Variants in TSPAN9 observed in about 807,000 individuals in gnomAD.
TSPAN9 encodes tetraspanin 9, also known as tetraspanin-9.
In TSPAN9, 16 loss-of-function variants were observed where a neutral mutation model predicts 31.0. The observed-to-expected ratio is 0.52, with a 90% CI of 0.35 to 0.78. The LOEUF (loss-of-function observed/expected upper bound fraction) is 0.78, where lower values mean the gene tolerates loss of function less well. TSPAN9 is among the 30% of genes least tolerant of loss of function. The pLI is 0.01. For missense variants in TSPAN9, 272 were observed against 312.5 expected (o/e 0.87, Z 0.98); for synonymous variants, 145 against 121.6 (o/e 1.19, Z -1.27).
At chr12:3,197,760 C>CCAT (rs200709341) in intron 2 of TSPAN9, among the ~76,000 whole-genome samples, 1 of 47,938 alleles carries the variant, frequency 2.1e-5, no homozygotes. Flanking sequence ...GCACAGGTCA[C>CCAT]CAGCACAGGC....
chr12:3,215,723 G>A (rs1043295134), intron 3 of TSPAN9, among the ~76,000 whole-genome samples: 1 of 152,190 alleles, frequency 6.6e-6, no homozygotes, highest in Non-Finnish European at 1.5e-5. Flanking sequence ...GGGGGTGGGA[G>A]GGGCCCCTCA....
rs115849898 is a variant in TSPAN9, at chr12:3,119,232, G to A, written c.-18+35513G>A. The stretch of plus-strand genomic sequence containing the variant: ...AGATACCAGGAGGGAAGTCTCAGTG[G>A]TTTGAATAACCAGCAGTTCCTGCTT... On this transcript the variant is annotated intron_variant, in intron 2 of 8. Coordinates refer to ENST00000011898, the MANE Select transcript of TSPAN9 (RefSeq NM_006675.5). Among the ~76,000 whole-genome samples, 1,326 of 152,320 alleles carry A rather than the reference G, an allele frequency of 8.7e-3. 20 individuals carry two copies. Among genetic ancestry groups the A allele is most frequent in the African/African-American group, 0.029 (1,206 of 41,562 alleles).
chr12:3,175,867 G>C (rs996859107), intron 2 of TSPAN9, among the ~76,000 whole-genome samples: 12 of 152,300 alleles, frequency 7.9e-5, no homozygotes, highest in Non-Finnish European at 1.6e-4. Flanking sequence ...GCTCTGGGGA[G>C]CAGAGTTTTA....
intron 3 of TSPAN9, among the ~76,000 whole-genome samples, chr12:3,203,488 T>C (rs1272771303): frequency 1.3e-5 from 2 of 152,104 alleles, no homozygotes; most frequent in African/African-American, 4.8e-5. Context: ...TTGGCAGAGG[T>C]TAATGAGCTA....
chr12:3,203,683 C>T (rs2098373308), intron 3 of TSPAN9, among the ~76,000 whole-genome samples: 1 of 152,214 alleles, frequency 6.6e-6, no homozygotes, highest in Non-Finnish European at 1.5e-5. Flanking sequence ...AAAATTGAAT[C>T]TCCAAGACCC....
chr12:3,088,974 T>C (rs2098302302), intron 2 of TSPAN9, among the ~76,000 whole-genome samples: 1 of 151,996 alleles, frequency 6.6e-6, no homozygotes, highest in Non-Finnish European at 1.5e-5. Context: ...GGCTCACGCC[T>C]GTAATCCCAG....
intron 2 of TSPAN9, chr12:3,149,788 A>G (rs780463748): frequency 8.5e-5 from 13 of 152,220 alleles, no homozygotes; most frequent in Admixed American, 6.5e-4. Context: ...CCCATCCCAG[A>G]TCTTCTGAGT....
At chr12:3,228,527 C>T (rs2098389067) in intron 3 of TSPAN9, among the ~76,000 whole-genome samples, 1 of 152,190 alleles carries the variant, frequency 6.6e-6, no homozygotes, top group Non-Finnish European at 1.5e-5. Context: ...TTGCTCATGC[C>T]CTCCCCACCC....
chr12:3,176,946 G>C (rs1230871143), intron 2 of TSPAN9, among the ~76,000 whole-genome samples: 1 of 152,230 alleles, frequency 6.6e-6, no homozygotes, highest in African/African-American at 2.4e-5. Flanking sequence ...CCCCGCATTA[G>C]CGGGAAGAGT....
chr12:3,078,554 C>G (rs2153961091), intron 1 of TSPAN9, among the ~76,000 whole-genome samples: 1 of 152,314 alleles, frequency 6.6e-6, no homozygotes, highest in Non-Finnish European at 1.5e-5. Context: ...TGGATAATTT[C>G]AAACAATAGC....
intron 7 of TSPAN9, 30 bp from the exon 8 acceptor site, chr12:3,281,704 G>T: frequency 6.2e-7 from 1 of 1,603,924 alleles, no homozygotes; most frequent in South Asian, 1.1e-5. Context: ...CTTGGGCTGG[G>T]ACCCTAACCT....
chr12:3,196,004 T>A (rs1487406101), intron 2 of TSPAN9, among the ~76,000 whole-genome samples: 1 of 152,164 alleles, frequency 6.6e-6, no homozygotes, highest in Non-Finnish European at 1.5e-5. Flanking sequence ...GGGTAGAAGG[T>A]GGGTCGCTTC....
intron 3 of TSPAN9, among the ~76,000 whole-genome samples, chr12:3,229,924 C>A (rs1049035108): frequency 6.6e-6 from 1 of 152,196 alleles, no homozygotes; most frequent in Non-Finnish European, 1.5e-5. Context: ...CGACCTGGCT[C>A]CCCTGGGCTG....
intron 3 of TSPAN9, among the ~76,000 whole-genome samples, chr12:3,254,261 C>T (rs113253604): frequency 2.0e-5 from 3 of 152,282 alleles, no homozygotes; most frequent in South Asian, 2.1e-4. Flanking sequence ...CTTCAGGACT[C>T]CAGCTTCTTT....
At position 3,105,772 on chromosome 12, in the gene TSPAN9, G is replaced by GCT. The variant is rs1565577326; in HGVS notation, c.-18+22054_-18+22055insTC. On this transcript the variant is annotated intron_variant, in intron 2 of 8. Transcript: ENST00000011898. ...CTCACACACACGCACACACGCGCAC[G>GCT]CACACACGCTCATACACACTCACGC... Among the ~76,000 whole-genome samples, 67 of 72,042 alleles carry GCT rather than the reference G, an allele frequency of 9.3e-4. No individual in the cohort carries two copies. The South Asian group carries it at 0.012, about 13-fold the overall frequency. 47.3% of individuals were successfully genotyped at this position (72,042 alleles called of 152,430 possible). A position where few individuals can be genotyped will look rare whatever the true frequency, so the allele number is the denominator to read the frequency against.
rs1565582022 is a variant in TSPAN9 at position 3,118,260 on chromosome 12, T to TTTTTTTTTTTTTTG, written c.-18+34554_-18+34555insGTTTTTTTTTTTTT. 5.6e-5 allele frequency among the ~76,000 whole-genome samples: 4 copies of TTTTTTTTTTTTTTG among 71,264 alleles called. 1 individual carries two copies. The highest frequency in any genetic ancestry group is 4.9e-5 in the Non-Finnish European group (2 of 40,496). 46.8% of individuals were successfully genotyped at this position (71,264 alleles called of 152,430 possible). On this transcript the variant is annotated intron_variant, in intron 2 of 8. Coordinates refer to ENST00000011898, the MANE Select transcript of TSPAN9 (RefSeq NM_006675.5). The stretch of plus-strand genomic sequence containing the variant: ...CGCACCGCCCCTGCACCCGCCGTTT[T>TTTTTTTTTTTTTTG]TTTTTTTTTTTTTTTTTTTTGAGAT...
chr12:3,128,983 T>C (rs1192174673), intron 2 of TSPAN9, among the ~76,000 whole-genome samples: 2 of 152,248 alleles, frequency 1.3e-5, no homozygotes, highest in East Asian at 3.8e-4. Context: ...TGAATTGGAT[T>C]ATTCCAGGTA....
intron 7 of TSPAN9, 51 bp downstream of exon 7, chr12:3,281,380 C>T (rs768608224): frequency 7.3e-6 from 11 of 1,516,982 alleles, no homozygotes; most frequent in South Asian, 1.3e-5. Context: ...TGTGGATGCC[C>T]CGGCACGGGG....
intron 2 of TSPAN9, among the ~76,000 whole-genome samples, chr12:3,179,134 G>A (rs183934413): frequency 5.9e-5 from 9 of 152,276 alleles, no homozygotes; most frequent in East Asian, 1.9e-4. Flanking sequence ...TGCGGGGCCC[G>A]GCCGAGAGGG....
Sources: gnomAD v4.1 joint callset for allele counts (sites outside exome capture counted in the v4.1 genomes callset) on GRCh38, gnomAD v4.1.1 for gene constraint, MANE v1.5 for transcripts, NCBI Gene and HGNC (gene_info 2026-07-23, HGNC 2026-07-21) for gene names.